Variants in MAX observed in about 807,000 individuals in gnomAD.
MAX encodes the protein protein max.
A neutral mutation model predicts 22.3 loss-of-function variants in MAX; 3 were observed. The ratio of observed to expected loss-of-function variants is 0.13; its 90% CI spans 0.06 to 0.35. The LOEUF (loss-of-function observed/expected upper bound fraction) is 0.35. Ranked by LOEUF, MAX falls within the 10% of genes least tolerant of loss-of-function variation. MAX has a pLI of 1.00. For missense variants in MAX, 119 were observed against 209.4 expected (o/e 0.57, Z 2.66); for synonymous variants, 72 against 77.7 (o/e 0.93, Z 0.39).
At chr14:65,043,828 C>CAAAAAAAAAAA (rs749243788) in intron 3 of MAX, among the ~76,000 whole-genome samples, 24 of 64,244 alleles carry the variant, frequency 3.7e-4, no homozygotes, top group African/African-American at 1.3e-3. Flanking sequence ...GACTCCGTCT[C>CAAAAAAAAAAA]AAAAAAAAAA....
At chr14:65,090,248 T>A (rs1462984172) in intron 3 of MAX, 1 of 152,106 alleles carries the variant, frequency 6.6e-6, no homozygotes, top group African/African-American at 2.4e-5. Flanking sequence ...AAGATTTCTT[T>A]AAAATATCCT....
intron 3 of MAX, among the ~76,000 whole-genome samples, chr14:65,066,008 C>T (rs1009147474): frequency 3.3e-5 from 5 of 152,196 alleles, no homozygotes; most frequent in Admixed American, 1.3e-4. Flanking sequence ...CCATGCCCTT[C>T]CACCACCGCA....
chr14:65,009,915 G>A lies in MAX; in HGVS notation c.172-3631C>T, dbSNP rs974757772. Among the ~76,000 whole-genome samples, 3 of 152,050 alleles carry A rather than the reference G, an allele frequency of 2.0e-5. No homozygotes were observed. The highest frequency in any genetic ancestry group is 2.1e-4 in the South Asian group (1 of 4,806). On this transcript the variant is annotated intron_variant, in intron 3 of 3. Coordinates refer to the MAX transcript ENST00000341653. The surrounding 1 kb of genome is among the most constrained non-coding windows in gnomAD (Gnocchi z 4.2). ...CATGTGTGTCCACCTCTGGACTGTC[G>A]CTCTAGGGTACAGAGCAGCCTCTAC...
chr14:65,075,091 T>A (rs542809561), downstream of MAX: 719 of 1,012,752 alleles, frequency 7.1e-4, no homozygotes, highest in Middle Eastern at 1.4e-3. The surrounding 1 kb of genome is among the most constrained non-coding windows in gnomAD (Gnocchi z 4.1). Flanking sequence ...TCAACCACCT[T>A]GGCCTTAACA....
Position 65,044,253 on chromosome 14 carries a change from C to T in MAX, c.172-37969G>A, listed in dbSNP as rs45565742. The T allele has an allele frequency of 0.12, 199,889 of 1,606,300 alleles. 14,103 individuals are homozygous for T. Among genetic ancestry groups the T allele is most frequent in the Admixed American group, 0.22 (12,982 of 58,250 alleles). On this transcript the variant is annotated intron_variant, in intron 3 of 3. Transcript: ENST00000341653. This position sits in a 1 kb window ranked among gnomAD's most constrained non-coding sequence, Gnocchi z 5.5. Reference sequence around the variant, plus strand: ...ACAGATTGACTCCTGGAGATTCTGTCGGGCTGGATTTTGTCTCTTTTAGCC... The same window carrying T: ...ACAGATTGACTCCTGGAGATTCTGTTGGGCTGGATTTTGTCTCTTTTAGCC...
At chr14:65,022,043 T>C (rs2061897780) in intron 3 of MAX, 1 of 455,936 alleles carries the variant, frequency 2.2e-6, no homozygotes, top group African/African-American at 2.0e-5. Context: ...CGTCTGACTC[T>C]GTGAGCAGCA....
At position 65,032,061 on chromosome 14, in the gene MAX, G is replaced by T. The variant is rs984906116; in HGVS notation, c.172-25777C>A. 6.6e-6 allele frequency among the ~76,000 whole-genome samples: 1 copy of T among 150,962 alleles called. No individual in the cohort carries two copies. Among genetic ancestry groups the T allele is most frequent in the African/African-American group, 2.4e-5 (1 of 40,894 alleles). On this transcript the variant is annotated intron_variant, in intron 3 of 3. Coordinates refer to the MAX transcript ENST00000341653. This position sits in a 1 kb window ranked among gnomAD's most constrained non-coding sequence, Gnocchi z 5.0. ...AAATCAAGGCTCTTTTCTCCCTCTA[G>T]AGGTTTAAGGACTGTATTGGAGTGG...
chr14:65,093,121 G>A lies in MAX; in HGVS notation c.171+587C>T, dbSNP rs1477199154. On this transcript the variant is annotated intron_variant, in intron 3 of 4. Transcript: ENST00000358664. The surrounding 1 kb of genome is among the most constrained non-coding windows in gnomAD (Gnocchi z 4.4). ...AAAACACTAGGTTCCAGAAGGGAGTGGGGAAGAATGGTTATTTTTTTTCTG... is the reference window on the plus strand; with the variant it reads ...AAAACACTAGGTTCCAGAAGGGAGTAGGGAAGAATGGTTATTTTTTTTCTG... Among the ~76,000 whole-genome samples the A allele has an allele frequency of 1.6e-4, 24 of 152,214 alleles. No individual in the cohort carries two copies. Among genetic ancestry groups the A allele is most frequent in the Admixed American group, 1.6e-3 (24 of 15,280 alleles).
At chr14:65,026,223 A>C (rs563698407) in intron 3 of MAX, among the ~76,000 whole-genome samples, 2 of 152,288 alleles carry the variant, frequency 1.3e-5, no homozygotes, top group African/African-American at 4.8e-5. Flanking sequence ...GCTGTGGAGA[A>C]ACAGCTTGAT....
chr14:65,083,491 C>T (rs2063248320), intron 3 of MAX, among the ~76,000 whole-genome samples: 1 of 152,128 alleles, frequency 6.6e-6, no homozygotes, highest in South Asian at 2.1e-4. Flanking sequence ...TGTAAAACTT[C>T]AAGTTGTTTT....
rs886050637 is a variant in MAX, at chr14:65,102,466, C to G, written c.-127G>C. On this transcript the variant is annotated 5_prime_UTR_variant, in exon 1 of 5. Coordinates refer to ENST00000358664, the MANE Select transcript of MAX (RefSeq NM_002382.5). ...ACACACACTCACTCACTCACTCACT[C>G]GCTCTCTCACTCACACACACACACA... 2 of 1,524,964 alleles carry G rather than the reference C, an allele frequency of 1.3e-6. No homozygotes were observed. The highest frequency in any genetic ancestry group is 2.7e-5 in the African/African-American group (2 of 72,764). The allele number at this position is 1,524,964 out of a possible 1,614,324, so 94.5% of individuals were successfully genotyped here. A position where few individuals can be genotyped will look rare whatever the true frequency, so the allele number is the denominator to read the frequency against.
In MAX at chr14:65,078,133, A is replaced by G; in HGVS notation, c.172-97T>C. On this transcript the variant is annotated intron_variant, in intron 3 of 4. Transcript: ENST00000358664. This position sits in a 1 kb window ranked among gnomAD's most constrained non-coding sequence, Gnocchi z 6.4. ...GCAGCAACTGCTTGGGTGGCTGGAA[A>G]CGAGAGGGTAAGGTGGGAAAAGGCT... is the stretch of plus-strand genomic sequence containing the variant. 2 of 1,355,020 alleles carry G rather than the reference A, an allele frequency of 1.5e-6. No individual in the cohort carries two copies. Among genetic ancestry groups the G allele is most frequent in the Non-Finnish European group, 2.1e-6 (2 of 948,998 alleles). The allele number at this position is 1,355,020 out of a possible 1,614,324, so 83.9% of individuals were successfully genotyped here.
rs550434155 is a variant in MAX at position 65,097,422 on chromosome 14, C to T, written c.64-3607G>A. Among the ~76,000 whole-genome samples the T allele has an allele frequency of 1.5e-4, 23 of 152,254 alleles. 1 individual carries two copies. The South Asian group carries it at 3.9e-3, about 26-fold the overall frequency. ...TCCTCCAAGTTCTAGGCAAATAGCACGGGGAAATAAATGCTTCATTATTCC... is the reference window on the plus strand; with the variant it reads ...TCCTCCAAGTTCTAGGCAAATAGCATGGGGAAATAAATGCTTCATTATTCC... On this transcript the variant is annotated intron_variant, in intron 2 of 4. Transcript: ENST00000358664.
chr14:65,076,894 A>G lies in MAX; in HGVS notation c.296-231T>C. 3 of 618,868 alleles carry G rather than the reference A, an allele frequency of 4.8e-6. No homozygotes were observed. The highest frequency in any genetic ancestry group is 2.4e-5 in the Admixed American group (1 of 41,100). The allele number at this position is 618,868 out of a possible 1,614,324, so 38.3% of individuals were successfully genotyped here. A position where few individuals can be genotyped will look rare whatever the true frequency, so the allele number is the denominator to read the frequency against. On this transcript the variant is annotated intron_variant, in intron 4 of 4. Coordinates refer to ENST00000358664, the MANE Select transcript of MAX (RefSeq NM_002382.5). This position sits in a 1 kb window ranked among gnomAD's most constrained non-coding sequence, Gnocchi z 6.6. Reference sequence around the variant, plus strand: ...AGCAGACACTCTGCAATCCCACCCAACTCTGAAGAGAAGGCTTGTGATGTC... The same window carrying G: ...AGCAGACACTCTGCAATCCCACCCAGCTCTGAAGAGAAGGCTTGTGATGTC...
At chr14:65,017,181 C>A (rs2061791572) in intron 3 of MAX, among the ~76,000 whole-genome samples, 1 of 152,150 alleles carries the variant, frequency 6.6e-6, no homozygotes. Context: ...CCTCGGCCTC[C>A]CAAAGTGCTG....
chr14:65,101,527 T>G lies in MAX; in HGVS notation c.63+19A>C. 1 of 1,603,042 alleles carries G rather than the reference T, an allele frequency of 6.2e-7. No individual in the cohort carries two copies. Among genetic ancestry groups the G allele is most frequent in the Non-Finnish European group, 8.5e-7 (1 of 1,171,918 alleles). On this transcript the variant is annotated intron_variant, in intron 2 of 4. Coordinates refer to ENST00000358664, the MANE Select transcript of MAX (RefSeq NM_002382.5). Reference sequence around the variant, plus strand: ...GAACTGAACGGAAATAAAAATGAAATGGAGAGTAGGAGACGTACCGCAGAT... The same window carrying G: ...GAACTGAACGGAAATAAAAATGAAAGGGAGAGTAGGAGACGTACCGCAGAT...
At chr14:65,096,697 A>G (rs2063684770) in intron 2 of MAX, among the ~76,000 whole-genome samples, 1 of 152,094 alleles carries the variant, frequency 6.6e-6, no homozygotes, top group Non-Finnish European at 1.5e-5. Flanking sequence ...CCTCCCCCAA[A>G]TGCAAAACTG....
rs374595870 is a variant in MAX at position 65,102,388 on chromosome 14, G to C, written c.-49C>G. On this transcript the variant is annotated 5_prime_UTR_variant, in exon 1 of 5. Coordinates refer to ENST00000358664, the MANE Select transcript of MAX (RefSeq NM_002382.5). Reference sequence around the variant, plus strand: ...ACTGCAGCGGCGGCGGGGAGGGGAAGGGGTGAAGGGGAGGGGGAAGTCACC... The same window carrying C: ...ACTGCAGCGGCGGCGGGGAGGGGAACGGGTGAAGGGGAGGGGGAAGTCACC... The C allele has an allele frequency of 2.3e-5, 37 of 1,601,758 alleles. No individual in the cohort carries two copies. In the East Asian group the frequency reaches 5.2e-4, roughly 23 times the overall value.
At chr14:65,098,792 A>C (rs1480449961) in intron 2 of MAX, among the ~76,000 whole-genome samples, 1 of 152,182 alleles carries the variant, frequency 6.6e-6, no homozygotes, top group Non-Finnish European at 1.5e-5. Flanking sequence ...TTTGTACTGA[A>C]GCAATAGAAA....
Sources: allele counts gnomAD v4.1 joint callset (sites outside exome capture counted in the v4.1 genomes callset), GRCh38; gene constraint gnomAD v4.1.1; non-coding constraint Gnocchi (gnomAD v3.1); transcripts MANE v1.5; gene names NCBI Gene and HGNC (gene_info 2026-07-23, HGNC 2026-07-21).